Variants in CNTNAP4 observed in about 807,000 individuals in gnomAD.
CNTNAP4 encodes the protein contactin associated protein family member 4.
A neutral mutation model predicts 148.4 loss-of-function variants in CNTNAP4; 98 were observed. The ratio of observed to expected loss-of-function variants is 0.66; its 90% CI spans 0.56 to 0.78. The LOEUF is 0.78. Among genes scored for constraint, CNTNAP4 ranks in the 30% least tolerant of loss-of-function variants. The pLI is 0.00. For missense variants in CNTNAP4, 1,935 were observed against 1,565.6 expected (o/e 1.24, Z -3.98); for synonymous variants, 730 against 565.1 (o/e 1.29, Z -4.14).
At chr16:76,489,537 C>T in intron 12 of CNTNAP4, 149 bp from the exon 13 acceptor site, 1 of 419,772 alleles carries the variant, frequency 2.4e-6, no homozygotes, top group Non-Finnish European at 4.2e-6. Flanking sequence ...TTCCGAGAAT[C>T]CATTTGTGTT....
chr16:76,406,966 C>T (rs910987980), intron 3 of CNTNAP4, among the ~76,000 whole-genome samples: 2 of 152,146 alleles, frequency 1.3e-5, no homozygotes, highest in Non-Finnish European at 2.9e-5. Flanking sequence ...AACAGATTTT[C>T]AGCATAGATG....
intron 3 of CNTNAP4, among the ~76,000 whole-genome samples, chr16:76,384,074 C>T (rs975988426): frequency 7.2e-5 from 11 of 151,910 alleles, no homozygotes; most frequent in Admixed American, 1.3e-4. Flanking sequence ...GATGGAGTCT[C>T]GCCCTGTTGC....
chr16:76,444,871 G>T (rs941989871), intron 4 of CNTNAP4, among the ~76,000 whole-genome samples: 2 of 152,040 alleles, frequency 1.3e-5, no homozygotes, highest in Non-Finnish European at 2.9e-5. Flanking sequence ...TTTCTCTGAA[G>T]GGTATTGTTT....
chr16:76,345,886 G>A (rs1313352972), intron 2 of CNTNAP4, among the ~76,000 whole-genome samples: 1 of 152,116 alleles, frequency 6.6e-6, no homozygotes, highest in Non-Finnish European at 1.5e-5. Flanking sequence ...GTTGAGTTGA[G>A]GGCAATGTTA....
intron 3 of CNTNAP4, among the ~76,000 whole-genome samples, chr16:76,384,075 G>C (rs572782123): frequency 8.1e-4 from 122 of 151,482 alleles, no homozygotes; most frequent in African/African-American, 2.9e-3. Context: ...ATGGAGTCTC[G>C]CCCTGTTGCC....
At chr16:76,431,358 C>A (rs1296569934) in intron 4 of CNTNAP4, among the ~76,000 whole-genome samples, 1 of 152,020 alleles carries the variant, frequency 6.6e-6, no homozygotes, top group Non-Finnish European at 1.5e-5. Context: ...ATGGTAGAAC[C>A]CCAAGCTAGA....
chr16:76,392,327 AG>A (rs1234571425), intron 3 of CNTNAP4, among the ~76,000 whole-genome samples: 1 of 152,164 alleles, frequency 6.6e-6, no homozygotes, highest in African/African-American at 2.4e-5. Context: ...GAGTTACGTT[AG>A]GAAAATGTTC....
At chr16:76,484,967 C>CAA (rs201028480) in intron 12 of CNTNAP4, among the ~76,000 whole-genome samples, 8 of 151,924 alleles carry the variant, frequency 5.3e-5, no homozygotes, top group Non-Finnish European at 8.8e-5. Flanking sequence ...CTAAAATCTA[C>CAA]AAAAAAAATC....
intron 8 of CNTNAP4, among the ~76,000 whole-genome samples, chr16:76,460,781 T>A (rs368281576): frequency 0.28 from 17,915 of 64,018 alleles, 3,725 homozygotes; most frequent in Non-Finnish European, 0.41. Flanking sequence ...AAAATATATA[T>A]ATATATATAT....
At chr16:76,450,584 G>A (rs1050344310) in intron 7 of CNTNAP4, among the ~76,000 whole-genome samples, 1 of 152,206 alleles carries the variant, frequency 6.6e-6, no homozygotes, top group African/African-American at 2.4e-5. Flanking sequence ...AGTCATTCAT[G>A]ATAAATAAAA....
chr16:76,374,273 A>G (rs1244598152), intron 3 of CNTNAP4, among the ~76,000 whole-genome samples: 1 of 152,198 alleles, frequency 6.6e-6, no homozygotes, highest in East Asian at 1.9e-4. Context: ...GGGTCGGGCT[A>G]GAGAATATCA....
chr16:76,518,281 C>A (rs912424092), intron 15 of CNTNAP4, among the ~76,000 whole-genome samples: 1 of 152,114 alleles, frequency 6.6e-6, no homozygotes, highest in Non-Finnish European at 1.5e-5. Context: ...GCATCTGCCA[C>A]AATGCCTGGC....
At chr16:76,530,329 T>G (rs558998342) in intron 17 of CNTNAP4, among the ~76,000 whole-genome samples, 2 of 152,256 alleles carry the variant, frequency 1.3e-5, no homozygotes, top group Admixed American at 1.3e-4. Context: ...TATAATCAAA[T>G]TGTTTATCTT....
chr16:76,313,213 AAT>A (rs1671386771), intron 1 of CNTNAP4, among the ~76,000 whole-genome samples: 1 of 152,182 alleles, frequency 6.6e-6, no homozygotes, highest in Non-Finnish European at 1.5e-5. Flanking sequence ...ATGAACAATA[AAT>A]ATATGTTCCC....
At chr16:76,555,566 C>G (rs1035971257) in intron 23 of CNTNAP4, among the ~76,000 whole-genome samples, 2 of 152,136 alleles carry the variant, frequency 1.3e-5, no homozygotes, top group African/African-American at 2.4e-5. Flanking sequence ...CAGGTAAATA[C>G]AGATACAGAG....
At chr16:76,373,425 A>G (rs190577272) in intron 3 of CNTNAP4, among the ~76,000 whole-genome samples, 26 of 152,334 alleles carry the variant, frequency 1.7e-4, no homozygotes, top group African/African-American at 5.8e-4. Flanking sequence ...TTTATAAGTC[A>G]TACCTCTAAA....
chr16:76,434,874 T>G (rs1568155779), intron 4 of CNTNAP4, among the ~76,000 whole-genome samples: 1 of 152,250 alleles, frequency 6.6e-6, no homozygotes, highest in Admixed American at 6.5e-5. Flanking sequence ...TAAGTCACAC[T>G]TGAGCTAGAA....
intron 1 of CNTNAP4, among the ~76,000 whole-genome samples, chr16:76,300,474 C>G (rs1447633742): frequency 2.0e-5 from 3 of 152,132 alleles, no homozygotes; most frequent in Admixed American, 2.0e-4. Flanking sequence ...GGTGCACAAA[C>G]CACCATGGCA....
At chr16:76,473,416 G>C (rs990036382) in intron 10 of CNTNAP4, among the ~76,000 whole-genome samples, 2 of 151,922 alleles carry the variant, frequency 1.3e-5, no homozygotes, top group Admixed American at 6.6e-5. Context: ...TTATAATCAG[G>C]AAAAATACAT....
Sources: gnomAD v4.1 joint callset for allele counts (sites outside exome capture counted in the v4.1 genomes callset) on GRCh38, gnomAD v4.1.1 for gene constraint, MANE v1.5 for transcripts, NCBI Gene and HGNC (gene_info 2026-07-23, HGNC 2026-07-21) for gene names.